The following HMCN1 variants were observed in gnomAD, a reference collection of about 807,000 sequenced individuals.
The protein encoded by HMCN1 is hemicentin-1.
In HMCN1, 321 loss-of-function variants were observed where a neutral mutation model predicts 625.9. The observed-to-expected ratio is 0.51, with a 90% CI of 0.47 to 0.56. The LOEUF is 0.56. Among genes scored for constraint, HMCN1 ranks in the 20% least tolerant of loss-of-function variants. The pLI, the probability that HMCN1 is intolerant of heterozygous loss-of-function variation, is 0.00. For synonymous variants in HMCN1, 2,425 were observed against 2,417.6 expected (o/e 1.00, Z -0.09); for missense variants, 6,588 against 6,887.3 (o/e 0.96, Z 1.54).
intron 11 of HMCN1, among the ~76,000 whole-genome samples, chr1:185,943,127 C>T (rs1232953892): frequency 1.3e-5 from 2 of 152,104 alleles, no homozygotes; most frequent in African/African-American, 4.8e-5. Context: ...CTTCTGTCCC[C>T]ATGGAGTTGG....
At chr1:185,860,036 T>A (rs184739685) in intron 2 of HMCN1, among the ~76,000 whole-genome samples, 3 of 152,272 alleles carry the variant, frequency 2.0e-5, no homozygotes, top group African/African-American at 7.2e-5. Context: ...AAATATCAGA[T>A]AGAGAGCTTT....
At chr1:185,736,741 C>T (rs1317827681) in intron 1 of HMCN1, among the ~76,000 whole-genome samples, 2 of 152,266 alleles carry the variant, frequency 1.3e-5, no homozygotes, top group Admixed American at 6.5e-5. Flanking sequence ...AGAGTTTGCT[C>T]TTTGCTGTAG....
At chr1:185,765,325 G>A (rs1173288447) in intron 1 of HMCN1, among the ~76,000 whole-genome samples, 1 of 152,024 alleles carries the variant, frequency 6.6e-6, no homozygotes, top group Non-Finnish European at 1.5e-5. Flanking sequence ...GGAGGAGAGA[G>A]AAAGAAGAAA....
intron 30 of HMCN1, among the ~76,000 whole-genome samples, chr1:186,009,484 G>GA (rs376484977): frequency 1.0e-4 from 15 of 147,446 alleles, no homozygotes; most frequent in African/African-American, 1.2e-4. Context: ...TTCTTAAAAT[G>GA]AAAAAAAAAA....
intron 1 of HMCN1, among the ~76,000 whole-genome samples, chr1:185,783,421 T>C (rs565289189): frequency 6.6e-6 from 1 of 152,348 alleles, no homozygotes; most frequent in South Asian, 2.1e-4. Flanking sequence ...GGAGAGGTGC[T>C]CTGATTTTTA....
intron 52 of HMCN1, among the ~76,000 whole-genome samples, chr1:186,074,437 A>G (rs1300693712): frequency 2.0e-5 from 3 of 152,030 alleles, no homozygotes; most frequent in African/African-American, 7.2e-5. Context: ...TCCAACATGA[A>G]TAAATTAATA....
chr1:185,958,773 G>C (rs567688014), intron 11 of HMCN1, among the ~76,000 whole-genome samples: 1 of 152,124 alleles, frequency 6.6e-6, no homozygotes, highest in Non-Finnish European at 1.5e-5. Flanking sequence ...TGAGTGACTA[G>C]GCAAATTATT....
intron 16 of HMCN1, chr1:185,978,235 C>T (rs753754127): frequency 1.0e-5 from 4 of 395,440 alleles, no homozygotes; most frequent in Non-Finnish European, 1.8e-5. Flanking sequence ...CATATCTTAC[C>T]ATTTCTTATT....
chr1:186,075,864 A>G (rs1169111999), intron 53 of HMCN1, among the ~76,000 whole-genome samples: 1 of 152,134 alleles, frequency 6.6e-6, no homozygotes. Flanking sequence ...GGTTAAATGT[A>G]CTTTTTTCTG....
chr1:185,779,277 T>G (rs1656870468), intron 1 of HMCN1, among the ~76,000 whole-genome samples: 1 of 152,216 alleles, frequency 6.6e-6, no homozygotes, highest in Admixed American at 6.5e-5. Flanking sequence ...TTGCAAAAAT[T>G]TTCTCCCATT....
In HMCN1 at chr1:186,114,016, A is replaced by C. The variant is rs1360694915; in HGVS notation, c.11169A>C (p.Val3723=). ...TAAAGGGGGGCCCCCAGAGCCTTGT[A>C]ATTCTTTTAAATAAGTCAACTGTAT... ...PNIKGGPQSL[V]ILLNKSTVLE... is the part of the protein sequence containing the mutation. Residue 3723 remains valine, a synonymous_variant, in exon 73 of 107, where the codon GTA becomes GTC. Transcript: ENST00000271588. The C allele has an allele frequency of 6.2e-7, 1 of 1,614,026 alleles. No homozygotes were observed. Among genetic ancestry groups the C allele is most frequent in the Admixed American group, 1.7e-5 (1 of 59,998 alleles).
chr1:185,859,799 G>A lies in HMCN1; in HGVS notation c.340-4671G>A, dbSNP rs563362896. On this transcript the variant is annotated intron_variant, in intron 2 of 106. Coordinates refer to ENST00000271588, the MANE Select transcript of HMCN1 (RefSeq NM_031935.3). ...TCCTGCCTCAGCCTCCTGAGTAGCTGGGACTAGGCACATGTTGCCATGCCT... is the reference window on the plus strand; with the variant it reads ...TCCTGCCTCAGCCTCCTGAGTAGCTAGGACTAGGCACATGTTGCCATGCCT... Among the ~76,000 whole-genome samples the A allele has an allele frequency of 3.3e-5, 5 of 152,062 alleles. No individual in the cohort carries two copies. In the East Asian group the frequency reaches 7.7e-4, roughly 24 times the overall value.
chr1:186,161,735 G>A (rs1238989347), intron 97 of HMCN1, among the ~76,000 whole-genome samples: 3 of 152,124 alleles, frequency 2.0e-5, no homozygotes, highest in Non-Finnish European at 4.4e-5. Flanking sequence ...CTTTAAGAAT[G>A]TTGAATATTG....
intron 39 of HMCN1, 130 bp from the exon 40 acceptor site, chr1:186,040,883 A>C: frequency 1.1e-6 from 1 of 942,206 alleles, no homozygotes; most frequent in East Asian, 2.5e-5. Context: ...CCTACTTAAA[A>C]ATGTCCAAGG....
intron 2 of HMCN1, among the ~76,000 whole-genome samples, chr1:185,857,412 G>A (rs568507704): frequency 6.6e-6 from 1 of 152,094 alleles, no homozygotes; most frequent in South Asian, 2.1e-4. Context: ...AATGTATTTA[G>A]GGAGCTGTCT....
At chr1:185,757,440 A>G (rs1655205884) in intron 1 of HMCN1, among the ~76,000 whole-genome samples, 1 of 152,092 alleles carries the variant, frequency 6.6e-6, no homozygotes. Context: ...AAGACCTTGC[A>G]CTTGGCTTTA....
chr1:185,775,335 C>T (rs1347324081), intron 1 of HMCN1, among the ~76,000 whole-genome samples: 1 of 151,992 alleles, frequency 6.6e-6, no homozygotes, highest in Admixed American at 6.6e-5. Context: ...CCCAGAAGTT[C>T]GAGACTGTAG....
chr1:186,133,447 G>T (rs929984078), intron 86 of HMCN1, among the ~76,000 whole-genome samples: 1 of 152,076 alleles, frequency 6.6e-6, no homozygotes, highest in Non-Finnish European at 1.5e-5. Context: ...AAGAGTCATC[G>T]GAAAACAGAG....
In HMCN1 at chr1:186,103,502, A is replaced by C; in HGVS notation, c.10604A>C (p.His3535Pro). 1 of 1,613,604 alleles carries C rather than the reference A, an allele frequency of 6.2e-7. No homozygotes were observed. The change falls in exon 69 of 107, where the codon CAT becomes CCT. Residue 3535 changes from histidine to proline, a missense_variant. Coordinates refer to ENST00000271588, the MANE Select transcript of HMCN1 (RefSeq NM_031935.3). ...CCTCACATTAATGGATCTGAAGAAC[A>C]TGAAGAGATATCAGTAATTGTTAAT... Reference protein sequence around the residue: ...EPPHINGSEEHEEISVIVNNP... With the variant: ...EPPHINGSEEPEEISVIVNNP...
Sources: allele counts gnomAD v4.1 joint callset (sites outside exome capture counted in the v4.1 genomes callset), GRCh38; gene constraint gnomAD v4.1.1; transcripts MANE v1.5; gene names NCBI Gene and HGNC (gene_info 2026-07-23, HGNC 2026-07-21).